The following R3HDM1 variants were observed in gnomAD, a reference collection of about 807,000 sequenced individuals.
The protein encoded by R3HDM1 is R3H domain-containing protein 1.
Under a neutral mutation model 141.1 loss-of-function variants are expected in R3HDM1, and 46 were observed. The ratio of observed to expected loss-of-function variants is 0.33; its 90% CI spans 0.26 to 0.42. R3HDM1 has a LOEUF of 0.42. Ranked by LOEUF, R3HDM1 falls within the 10% of genes least tolerant of loss-of-function variation. The pLI, the probability that R3HDM1 is intolerant of heterozygous loss-of-function variation, is 1.00. For missense variants in R3HDM1, 1,184 were observed against 1,368.3 expected (o/e 0.87, Z 2.12); for synonymous variants, 435 against 472.9 (o/e 0.92, Z 1.04).
intron 1 of R3HDM1, among the ~76,000 whole-genome samples, chr2:135,532,850 G>A (rs891753154): frequency 2.0e-5 from 3 of 152,116 alleles, no homozygotes; most frequent in Admixed American, 6.5e-5. Context: ...GAGTACGCTC[G>A]TCTTTTCAAA....
intron 21 of R3HDM1, among the ~76,000 whole-genome samples, chr2:135,682,294 G>A (rs1052478469): frequency 6.6e-6 from 1 of 151,996 alleles, no homozygotes; most frequent in East Asian, 1.9e-4. Context: ...GGGAAGAGGG[G>A]CTTTCATAAG....
rs748354211 is a variant in R3HDM1 at position 135,701,223 on chromosome 2, CAA to C, written c.2460-8190_2460-8189del. On this transcript the variant is annotated intron_variant, in intron 21 of 26. Transcript: ENST00000683871. Reference sequence around the variant, plus strand: ...CAACATAACAAGACCTCATCTCTACCAAAAAAAAAAAAAAAAAAAAACTATAA... The same window carrying C: ...CAACATAACAAGACCTCATCTCTACCAAAAAAAAAAAAAAAAAAACTATAA... Among the ~76,000 whole-genome samples the C allele has an allele frequency of 1.5e-3, 123 of 82,414 alleles. 1 individual carries two copies. Among genetic ancestry groups the C allele is most frequent in the South Asian group, 0.013 (36 of 2,748 alleles). The allele number at this position is 82,414 out of a possible 152,430, so 54.1% of individuals were successfully genotyped here.
chr2:135,556,431 A>T (rs1211329590), intron 1 of R3HDM1, among the ~76,000 whole-genome samples: 1 of 152,176 alleles, frequency 6.6e-6, no homozygotes, highest in African/African-American at 2.4e-5. Context: ...AACATATATG[A>T]TCAAAAAATG....
chr2:135,636,093 A>G lies in R3HDM1; in HGVS notation c.813A>G (p.Arg271=), dbSNP rs779801071. Residue 271 remains arginine (R), a synonymous_variant, in exon 11 of 27, where the codon AGA becomes AGG. Transcript: ENST00000683871. ...AATTATCCTCTTTTCTGTAGATGAG[A>G]ATACGTTTGAAAGATGACAGAAGAA... The part of the protein sequence containing the change: ...SSFDKDDNQM[R]IRLKDDRRSK... The G allele has an allele frequency of 6.2e-7, 1 of 1,613,028 alleles. No homozygotes were observed.
intron 1 of R3HDM1, among the ~76,000 whole-genome samples, chr2:135,593,201 C>T (rs1159011063): frequency 6.6e-6 from 1 of 151,862 alleles, no homozygotes; most frequent in East Asian, 1.9e-4. Context: ...ATTACAGGCA[C>T]GAGCCACCAC....
chr2:135,682,950 T>C (rs1364213956), intron 21 of R3HDM1, among the ~76,000 whole-genome samples: 4 of 151,902 alleles, frequency 2.6e-5, no homozygotes, highest in African/African-American at 9.7e-5. Context: ...TGAGCTCAGA[T>C]TGCACCACAG....
chr2:135,710,967 T>A (rs6761490), intron 23 of R3HDM1, among the ~76,000 whole-genome samples: 147,505 of 151,654 alleles, frequency 0.97, 71,850 homozygotes, highest in Non-Finnish European at 1. Flanking sequence ...CTGCTCACTT[T>A]AAAAAAAAAT....
chr2:135,649,950 G>GC lies in R3HDM1; in HGVS notation c.1676dup (p.Tyr560LeufsTer19), dbSNP rs1428690820. ...TTCACAGCCTGTTCAGTACTCTACA[G>GC]CCCCTTACCCATCCCCGTTCCTGCC... is the stretch of plus-strand genomic sequence containing the variant. On this transcript the variant is annotated frameshift_variant, in exon 17 of 27. Transcript: ENST00000683871. LOFTEE classifies it high-confidence loss of function. 6 of 1,296,392 alleles carry GC rather than the reference G, an allele frequency of 4.6e-6. No homozygotes were observed. In the Admixed American group the frequency reaches 1.4e-4, roughly 30 times the overall value. The allele number at this position is 1,296,392 out of a possible 1,614,324, so 80.3% of individuals were successfully genotyped here.
intron 5 of R3HDM1, among the ~76,000 whole-genome samples, chr2:135,618,463 A>AATTTT (rs1301257504): frequency 1.4e-4 from 17 of 124,110 alleles, no homozygotes; most frequent in African/African-American, 5.1e-4. Context: ...CGCCCGGCTG[A>AATTTT]TTTTTTTTTT....
intron 1 of R3HDM1, among the ~76,000 whole-genome samples, chr2:135,551,063 A>G (rs756768808): frequency 2.0e-5 from 3 of 152,230 alleles, no homozygotes; most frequent in Non-Finnish European, 4.4e-5. Flanking sequence ...ATACCATGTA[A>G]TCCAAATTTG....
intron 26 of R3HDM1, among the ~76,000 whole-genome samples, 144 bp from the exon 27 acceptor site, chr2:135,723,778 CAAAAAAAAAAAAAAA>C (rs541423067): frequency 3.6e-5 from 2 of 55,320 alleles, no homozygotes; most frequent in South Asian, 4.7e-4. Context: ...CTCCATCTCC[CAAAAAAAAAAAAAAA>C]AAAAAAAAAA....
intron 1 of R3HDM1, chr2:135,577,052 A>G (rs1705608879): frequency 1.1e-6 from 1 of 901,038 alleles, no homozygotes; most frequent in Non-Finnish European, 1.3e-6. Context: ...AAGAAAAAAA[A>G]AAAACCTCCA....
chr2:135,670,276 G>A, intron 19 of R3HDM1: 1 of 979,688 alleles, frequency 1.0e-6, no homozygotes, highest in Non-Finnish European at 1.2e-6. Flanking sequence ...AAAAGACAGG[G>A]ATTTGGGGCC....
chr2:135,682,226 C>G (rs894266074), intron 21 of R3HDM1, among the ~76,000 whole-genome samples: 2 of 151,688 alleles, frequency 1.3e-5, no homozygotes, highest in African/African-American at 4.8e-5. Flanking sequence ...GTCATCATTT[C>G]TATGTGGGGC....
At chr2:135,672,584 G>A (rs1398254951) in intron 19 of R3HDM1, among the ~76,000 whole-genome samples, 4 of 152,094 alleles carry the variant, frequency 2.6e-5, no homozygotes, top group Non-Finnish European at 2.9e-5. Flanking sequence ...TAATTTCAAA[G>A]ATAGGGACCA....
intron 1 of R3HDM1, among the ~76,000 whole-genome samples, chr2:135,545,723 T>A (rs1305505823): frequency 6.6e-6 from 1 of 152,172 alleles, no homozygotes; most frequent in Non-Finnish European, 1.5e-5. Flanking sequence ...CCCACAGTAG[T>A]CTCTTCATCC....
At chr2:135,543,718 C>G (rs1156319975) in intron 1 of R3HDM1, among the ~76,000 whole-genome samples, 1 of 152,114 alleles carries the variant, frequency 6.6e-6, no homozygotes, top group African/African-American at 2.4e-5. Context: ...TGCAAATTTC[C>G]TTAATGTCTG....
intron 18 of R3HDM1, among the ~76,000 whole-genome samples, chr2:135,659,741 A>G (rs1487717670): frequency 2.6e-5 from 4 of 152,166 alleles, no homozygotes; most frequent in Non-Finnish European, 5.9e-5. Context: ...CCCAGCCCAG[A>G]AGGACTACAT....
intron 1 of R3HDM1, among the ~76,000 whole-genome samples, chr2:135,554,711 A>G (rs111738838): frequency 7.6e-4 from 116 of 152,336 alleles, no homozygotes; most frequent in African/African-American, 2.6e-3. Context: ...CGTTATTCAT[A>G]CAGGAAAAAT....
Sources: gnomAD v4.1 joint callset for allele counts (sites outside exome capture counted in the v4.1 genomes callset) on GRCh38, gnomAD v4.1.1 for gene constraint, MANE v1.5 for transcripts, NCBI Gene and HGNC (gene_info 2026-07-23, HGNC 2026-07-21) for gene names.